The following ZC3H12D variants were observed in gnomAD, a reference collection of about 807,000 sequenced individuals.
ZC3H12D encodes zinc finger CCCH-type containing 12D.
In ZC3H12D, 11 loss-of-function variants were observed where a neutral mutation model predicts 24.2. That is an observed-to-expected ratio of 0.46 (90% CI 0.29 to 0.75). The LOEUF (loss-of-function observed/expected upper bound fraction) is 0.75. Among genes scored for constraint, ZC3H12D ranks in the 30% least tolerant of loss-of-function variants. The pLI, the probability that ZC3H12D is intolerant of heterozygous loss-of-function variation, is 0.11. For missense variants in ZC3H12D, 740 were observed against 767.7 expected (o/e 0.96, Z 0.43); for synonymous variants, 333 against 341.8 (o/e 0.97, Z 0.28).
intron 2 of ZC3H12D, among the ~76,000 whole-genome samples, chr6:149,473,929 T>C (rs1303371902): frequency 1.3e-5 from 2 of 152,122 alleles, no homozygotes; most frequent in Admixed American, 1.3e-4. Context: ...AGGCTCTTCC[T>C]CTGGGTTATG....
intron 1 of ZC3H12D, among the ~76,000 whole-genome samples, chr6:149,480,486 T>C (rs757967265): frequency 2.6e-5 from 4 of 152,200 alleles, no homozygotes; most frequent in Non-Finnish European, 5.9e-5. Context: ...CAGAACTGAC[T>C]GGGCGCAGTG....
In ZC3H12D at chr6:149,451,328, G is replaced by T. The variant is rs1182932005; in HGVS notation, c.939C>A (p.Gly313=). The part of the protein sequence containing the change: ...AEEQRPPRAP[G]GSAGARAAPR... The stretch of plus-strand genomic sequence containing the variant: ...GGGCCGCCCGGGCTCCTGCGGAGCC[G>T]CCCGGGGCTCTCGGTGGCCGCTGCT... Residue 313 remains glycine, a synonymous_variant, in exon 6 of 6, where the codon GGC becomes GGA. Coordinates refer to ENST00000409806, the MANE Select transcript of ZC3H12D (RefSeq NM_207360.3). 2.8e-6 allele frequency: 4 copies of T among 1,421,566 alleles called. No individual in the cohort carries two copies. The highest frequency in any genetic ancestry group is 5.1e-4 in the Middle Eastern group (2 of 3,906). 88.1% of individuals were successfully genotyped at this position (1,421,566 alleles called of 1,614,324 possible). A position where few individuals can be genotyped will look rare whatever the true frequency, so the allele number is the denominator to read the frequency against.
At position 149,452,887 on chromosome 6, in the gene ZC3H12D, T is replaced by C. The variant is rs776731398; in HGVS notation, c.681-165A>G. 5.9e-5 allele frequency among the ~76,000 whole-genome samples: 9 copies of C among 152,126 alleles called. No individual in the cohort carries two copies. The highest frequency in any genetic ancestry group is 1.2e-4 in the Non-Finnish European group (8 of 68,018). ...CAGCATCTTAAAGCAAAACCTTCCC[T>C]TCACACTGAACCCCATGCAGAGCAC... On this transcript the variant is annotated intron_variant, in intron 4 of 5. Coordinates refer to ENST00000409806, the MANE Select transcript of ZC3H12D (RefSeq NM_207360.3). The surrounding 1 kb of genome is among the most constrained non-coding windows in gnomAD (Gnocchi z 4.0).
rs1775890437 is a variant in ZC3H12D, at chr6:149,451,307, C to A, written c.960G>T (p.Ala320=). 1 of 1,327,284 alleles carries A rather than the reference C, an allele frequency of 7.5e-7. No homozygotes were observed. Among genetic ancestry groups the A allele is most frequent in the Non-Finnish European group, 9.5e-7 (1 of 1,048,454 alleles). The allele number at this position is 1,327,284 out of a possible 1,614,324, so 82.2% of individuals were successfully genotyped here. Residue 320 remains alanine, a synonymous_variant, in exon 6 of 6, where the codon GCG becomes GCT. Coordinates refer to ENST00000409806, the MANE Select transcript of ZC3H12D (RefSeq NM_207360.3). ...RAPGGSAGAR[A]APREPFAHSL... ...TGTGCGCAAATGGTTCCCGGGGGGC[C>A]GCCCGGGCTCCTGCGGAGCCGCCCG...
At chr6:149,484,034 T>C (rs1201480615) in intron 1 of ZC3H12D, among the ~76,000 whole-genome samples, 6 of 152,200 alleles carry the variant, frequency 3.9e-5, no homozygotes, top group African/African-American at 1.4e-4. Flanking sequence ...CCCCTGCTCT[T>C]CTGCATTGTG....
intron 3 of ZC3H12D, among the ~76,000 whole-genome samples, chr6:149,457,167 G>A (rs1403601037): frequency 6.6e-6 from 1 of 152,210 alleles, no homozygotes; most frequent in Non-Finnish European, 1.5e-5. Context: ...TACTCTACAA[G>A]GGAGAGTCAC....
chr6:149,458,148 T>TTTTTTTTTTTTTTTC (rs1562472760), intron 3 of ZC3H12D, among the ~76,000 whole-genome samples: 4 of 128,078 alleles, frequency 3.1e-5, no homozygotes, highest in African/African-American at 1.4e-4. Flanking sequence ...TTTTTTTTTT[T>TTTTTTTTTTTTTTTC]TTTTTGAGAC....
rs940513979 is a variant in ZC3H12D at position 149,450,325 on chromosome 6, C to A, written c.*358G>T. 1.7e-5 allele frequency: 4 copies of A among 229,890 alleles called. No homozygotes were observed. Among genetic ancestry groups the A allele is most frequent in the Non-Finnish European group, 2.5e-5 (3 of 119,280 alleles). 14.2% of individuals were successfully genotyped at this position (229,890 alleles called of 1,614,324 possible). Reference sequence around the variant, plus strand: ...AGACTCAGCCTGATGGCACAGGGTGCGCTTTGCCCTGTCCCAGTCCACTGT... The same window carrying A: ...AGACTCAGCCTGATGGCACAGGGTGAGCTTTGCCCTGTCCCAGTCCACTGT... On this transcript the variant is annotated 3_prime_UTR_variant, in exon 6 of 6. Coordinates refer to ENST00000409806, the MANE Select transcript of ZC3H12D (RefSeq NM_207360.3).
intron 4 of ZC3H12D, among the ~76,000 whole-genome samples, chr6:149,454,019 A>G (rs1419608694): frequency 6.6e-6 from 1 of 152,352 alleles, no homozygotes; most frequent in Non-Finnish European, 1.5e-5. Flanking sequence ...TTCAATAGGA[A>G]CAGGGAGTTT....
At chr6:149,477,940 G>A (rs561521035) in intron 1 of ZC3H12D, among the ~76,000 whole-genome samples, 153 of 152,070 alleles carry the variant, frequency 1.0e-3, no homozygotes, top group African/African-American at 3.5e-3. Flanking sequence ...AGGCTGAGGC[G>A]GGCGGATCAC....
Position 149,447,067 on chromosome 6 carries a change from G to A in ZC3H12D, c.*3616C>T, listed in dbSNP as rs1259783636. ...AGGATTTTAGAAGTCTAGGAAATGG[G>A]CAAGCAGCCTGTGTCCTTGGGAACT... On this transcript the variant is annotated 3_prime_UTR_variant, in exon 6 of 6. Transcript: ENST00000409806. The A allele has an allele frequency of 6.6e-6, 1 of 152,120 alleles. No homozygotes were observed. Among genetic ancestry groups the A allele is most frequent in the Non-Finnish European group, 1.5e-5 (1 of 68,030 alleles). The allele number at this position is 152,120 out of a possible 1,614,324, so 9.4% of individuals were successfully genotyped here. A position where few individuals can be genotyped will look rare whatever the true frequency, so the allele number is the denominator to read the frequency against.
chr6:149,451,448 C>G lies in ZC3H12D; in HGVS notation c.819G>C (p.Lys273Asn). 1.3e-6 allele frequency: 2 copies of G among 1,576,522 alleles called. No individual in the cohort carries two copies. Among genetic ancestry groups the G allele is most frequent in the South Asian group, 2.2e-5 (2 of 89,934 alleles). Residue 273 changes from lysine (K) to asparagine (N), a missense_variant, in exon 6 of 6, where the codon AAG becomes AAC. Lys to Asn is a moderately conservative substitution (Grantham distance 94). Transcript: ENST00000409806. Reference sequence around the variant, plus strand: ...GGTGCGGCCTCTCCGGGTGGTAGAACTTGCACTTGATGCCATAGGTGCATT... The same window carrying G: ...GGTGCGGCCTCTCCGGGTGGTAGAAGTTGCACTTGATGCCATAGGTGCATT... ...GKKCTYGIKC[K>N]FYHPERPHHA...
In ZC3H12D at chr6:149,474,469, G is replaced by T; in HGVS notation, c.75C>A (p.Gly25=). ...YDREDVLRVL[G]KLGEGALVND... is the part of the protein sequence containing the mutation. ...TGACCAGGGCGCCCTCGCCCAGCTTGCCCAACACCCGGAGCACATCCTCCC... is the reference window on the plus strand; with the variant it reads ...TGACCAGGGCGCCCTCGCCCAGCTTTCCCAACACCCGGAGCACATCCTCCC... The change falls in exon 2 of 6, where the codon GGC becomes GGA. Residue 25 remains glycine (G), a synonymous_variant. Coordinates refer to ENST00000409806, the MANE Select transcript of ZC3H12D (RefSeq NM_207360.3). 1.3e-6 allele frequency: 2 copies of T among 1,591,952 alleles called. No individual in the cohort carries two copies. The highest frequency in any genetic ancestry group is 1.7e-6 in the Non-Finnish European group (2 of 1,164,546).
chr6:149,469,599 T>C (rs2115009669), intron 2 of ZC3H12D, among the ~76,000 whole-genome samples: 1 of 152,310 alleles, frequency 6.6e-6, no homozygotes, highest in East Asian at 1.9e-4. Context: ...TAAAGCCAGG[T>C]ATCTATGGAC....
chr6:149,481,655 G>A (rs1047368267), intron 1 of ZC3H12D, among the ~76,000 whole-genome samples: 6 of 149,594 alleles, frequency 4.0e-5, no homozygotes, highest in African/African-American at 1.2e-4. Context: ...GATTACAGAC[G>A]TGAGCCATGC....
rs1274962064 is a variant in ZC3H12D at position 149,450,839 on chromosome 6, G to A, written c.1428C>T (p.Asp476=). 4.5e-6 allele frequency: 7 copies of A among 1,545,276 alleles called. No homozygotes were observed. The highest frequency in any genetic ancestry group is 6.1e-6 in the Non-Finnish European group (7 of 1,146,652). The change falls in exon 6 of 6, where the codon GAC becomes GAT. Residue 476 remains aspartate, a synonymous_variant. Coordinates refer to ENST00000409806, the MANE Select transcript of ZC3H12D (RefSeq NM_207360.3). ...GCGCGATGCGAGCCCGGGCGCGCGC[G>A]TCCCCCTCGTCGTCCTCGGTCGCGT... ...SVYATEDDEG[D]ARARARIALY...
At position 149,454,518 on chromosome 6, in the gene ZC3H12D, T is replaced by C. The variant is rs566089503; in HGVS notation, c.681-1796A>G. ...CAGAATTGGGCCTTGACCAAGAATCTGGGGAACCGCCCACTGTGGTTATTA... is the reference window on the plus strand; with the variant it reads ...CAGAATTGGGCCTTGACCAAGAATCCGGGGAACCGCCCACTGTGGTTATTA... On this transcript the variant is annotated intron_variant, in intron 4 of 5. Transcript: ENST00000409806. 3.9e-5 allele frequency among the ~76,000 whole-genome samples: 6 copies of C among 152,330 alleles called. No individual in the cohort carries two copies. The East Asian group carries it at 1.2e-3, about 29-fold the overall frequency.
At position 149,474,403 on chromosome 6, in the gene ZC3H12D, C is replaced by A; in HGVS notation, c.141G>T (p.Pro47=). ...GTGCAGCCGGGTGCTCCAGGGCACC[C>A]GGGCGGCTGCCCGTGCGGATAAGCT... The part of the protein sequence containing the change: ...LQELIRTGSR[P]GALEHPAAPR... Residue 47 remains proline (P), a synonymous_variant, in exon 2 of 6, where the codon CCG becomes CCT. Transcript: ENST00000409806. 1.2e-6 allele frequency: 2 copies of A among 1,608,242 alleles called. No homozygotes were observed. The highest frequency in any genetic ancestry group is 1.1e-5 in the South Asian group (1 of 90,804).
chr6:149,453,778 C>G lies in ZC3H12D; in HGVS notation c.681-1056G>C, dbSNP rs559054227. 2.6e-5 allele frequency among the ~76,000 whole-genome samples: 4 copies of G among 152,256 alleles called. No individual in the cohort carries two copies. In the South Asian group the frequency reaches 8.3e-4, roughly 32 times the overall value. ...CAGAAAAGCCAGGAGTGGTGTCATA[C>G]CCCTGTAGTTCCAGCTACTAGAAAA... On this transcript the variant is annotated intron_variant, in intron 4 of 5. Coordinates refer to ENST00000409806, the MANE Select transcript of ZC3H12D (RefSeq NM_207360.3).
Sources: gnomAD v4.1 joint callset for allele counts (sites outside exome capture counted in the v4.1 genomes callset) on GRCh38, gnomAD v4.1.1 for gene constraint, Gnocchi (gnomAD v3.1) non-coding constraint, MANE v1.5 for transcripts, NCBI Gene and HGNC (gene_info 2026-07-23, HGNC 2026-07-21) for gene names.